The following OSBPL1A variants were observed in gnomAD, a reference collection of about 807,000 sequenced individuals.
The protein encoded by OSBPL1A is oxysterol-binding protein-related protein 1.
A neutral mutation model predicts 137.1 loss-of-function variants in OSBPL1A; 80 were observed. The ratio of observed to expected loss-of-function variants is 0.58; its 90% CI spans 0.49 to 0.70. The LOEUF (loss-of-function observed/expected upper bound fraction) is 0.70, where lower values mean the gene tolerates loss of function less well. OSBPL1A is among the 30% of genes least tolerant of loss of function. OSBPL1A has a pLI of 0.00. For synonymous variants in OSBPL1A, 365 were observed against 389.7 expected, an observed-to-expected ratio of 0.94 and a Z score of 0.75; for missense variants, 970 against 1,129.4, an observed-to-expected ratio of 0.86 and a Z score of 2.02.
At chr18:24,203,503 G>T (rs1018268932) in intron 17 of OSBPL1A, among the ~76,000 whole-genome samples, 2 of 152,034 alleles carry the variant, frequency 1.3e-5, no homozygotes, top group Non-Finnish European at 2.9e-5. Flanking sequence ...CCTTCACATC[G>T]ACAGACACAG....
At chr18:24,258,145 A>G (rs1468614311) in intron 15 of OSBPL1A, among the ~76,000 whole-genome samples, 2 of 152,226 alleles carry the variant, frequency 1.3e-5, no homozygotes, top group African/African-American at 4.8e-5. Context: ...GAAAAGCAGT[A>G]TACGGAAGAG....
At chr18:24,178,508 GT>G (rs1330874684) in intron 20 of OSBPL1A, among the ~76,000 whole-genome samples, 3 of 152,008 alleles carry the variant, frequency 2.0e-5, no homozygotes, top group African/African-American at 7.3e-5. Context: ...GGCCAGGTTG[GT>G]TTCGAACTCC....
At chr18:24,244,773 T>A (rs116044934) in intron 15 of OSBPL1A, among the ~76,000 whole-genome samples, 8 of 152,352 alleles carry the variant, frequency 5.3e-5, no homozygotes, top group African/African-American at 1.9e-4. Flanking sequence ...AAAACAGTCA[T>A]GTGCTAGCCA....
chr18:24,319,991 A>G (rs1232565122), intron 7 of OSBPL1A, among the ~76,000 whole-genome samples: 1 of 151,944 alleles, frequency 6.6e-6, no homozygotes, highest in East Asian at 1.9e-4. Flanking sequence ...CAAAAAAAAA[A>G]AAAAAAAATT....
At chr18:24,220,925 C>T (rs1285636372) in intron 17 of OSBPL1A, among the ~76,000 whole-genome samples, 5 of 152,020 alleles carry the variant, frequency 3.3e-5, no homozygotes, top group African/African-American at 9.6e-5. Flanking sequence ...GGACTACAGG[C>T]GTGTGCCACC....
intron 17 of OSBPL1A, among the ~76,000 whole-genome samples, chr18:24,205,569 T>A (rs898821766): frequency 4.6e-5 from 7 of 152,218 alleles, no homozygotes; most frequent in African/African-American, 1.7e-4. Context: ...TATAAAACAT[T>A]CAGCCCAGTG....
chr18:24,237,883 C>T (rs1290530694), intron 16 of OSBPL1A, among the ~76,000 whole-genome samples: 1 of 152,166 alleles, frequency 6.6e-6, no homozygotes, highest in African/African-American at 2.4e-5. Context: ...CCTTCTCTTC[C>T]CAACGTGAGT....
chr18:24,322,289 GT>G (rs370119810), intron 7 of OSBPL1A, among the ~76,000 whole-genome samples: 39,546 of 140,722 alleles, frequency 0.28, 5,962 homozygotes, highest in Non-Finnish European at 0.35. Context: ...TTTTGTATTT[GT>G]TTTTTTTTTT....
chr18:24,287,816 A>AT (rs961352747), intron 14 of OSBPL1A, among the ~76,000 whole-genome samples: 12 of 151,586 alleles, frequency 7.9e-5, no homozygotes, highest in African/African-American at 2.9e-4. Context: ...ATAAAATAAA[A>AT]TAGACTTTGG....
intron 14 of OSBPL1A, among the ~76,000 whole-genome samples, chr18:24,282,389 A>G (rs1454935833): frequency 6.6e-6 from 1 of 152,142 alleles, no homozygotes; most frequent in Admixed American, 6.5e-5. Flanking sequence ...TCCTATTTGG[A>G]CCACTGTTTG....
chr18:24,334,386 A>C (rs368551524), intron 5 of OSBPL1A, 56 bp from the exon 6 acceptor site: 2 of 1,390,486 alleles, frequency 1.4e-6, no homozygotes, highest in Non-Finnish European at 2.0e-6. Context: ...TTACAAATTC[A>C]TTATAAAGAA....
At chr18:24,239,156 A>G in intron 16 of OSBPL1A, 64 bp downstream of exon 16, 2 of 1,571,934 alleles carry the variant, frequency 1.3e-6, no homozygotes, top group South Asian at 1.2e-5. Context: ...TCAAGGGGAC[A>G]TTGCTCATTT....
intron 7 of OSBPL1A, among the ~76,000 whole-genome samples, chr18:24,332,129 A>G (rs1239076773): frequency 2.0e-5 from 3 of 152,028 alleles, no homozygotes; most frequent in Admixed American, 6.6e-5. Flanking sequence ...TAATCCCAGC[A>G]CTTTGGGAGG....
intron 11 of OSBPL1A, among the ~76,000 whole-genome samples, chr18:24,314,632 A>G (rs895724511): frequency 2.6e-5 from 4 of 152,174 alleles, no homozygotes; most frequent in African/African-American, 9.7e-5. Flanking sequence ...ATAACTTAAC[A>G]TGCACTTGGG....
chr18:24,268,229 C>T (rs977009014), intron 15 of OSBPL1A, among the ~76,000 whole-genome samples: 1 of 152,154 alleles, frequency 6.6e-6, no homozygotes, highest in Non-Finnish European at 1.5e-5. Flanking sequence ...GATCCTCCTA[C>T]CTCAGCCTCC....
chr18:24,276,980 T>C (rs2089859272), intron 15 of OSBPL1A, among the ~76,000 whole-genome samples: 1 of 152,206 alleles, frequency 6.6e-6, no homozygotes, highest in Non-Finnish European at 1.5e-5. Context: ...TTTGGTTATC[T>C]AGTTTTCTTT....
intron 14 of OSBPL1A, among the ~76,000 whole-genome samples, chr18:24,294,926 T>C (rs1227093785): frequency 6.6e-6 from 1 of 152,244 alleles, no homozygotes; most frequent in Non-Finnish European, 1.5e-5. Context: ...TTTGGGTAGA[T>C]ACCAGTAGTG....
At chr18:24,347,079 G>T (rs548377010) in intron 4 of OSBPL1A, among the ~76,000 whole-genome samples, 263 of 151,612 alleles carry the variant, frequency 1.7e-3, no homozygotes, top group African/African-American at 6.1e-3. Context: ...GAATTATGCT[G>T]CTATGAATGT....
intron 5 of OSBPL1A, among the ~76,000 whole-genome samples, chr18:24,339,113 A>C (rs1189363476): frequency 6.6e-6 from 1 of 152,118 alleles, no homozygotes; most frequent in African/African-American, 2.4e-5. Flanking sequence ...CTGGGATTAC[A>C]GGTGTCCACT....
Sources: gnomAD v4.1 joint callset for allele counts (sites outside exome capture counted in the v4.1 genomes callset) on GRCh38, gnomAD v4.1.1 for gene constraint, MANE v1.5 for transcripts, NCBI Gene and HGNC (gene_info 2026-07-23, HGNC 2026-07-21) for gene names.